Variants in ARB2A observed in about 807,000 individuals in gnomAD.
ARB2A encodes cotranscriptional regulator ARB2A.
chr5:93,869,107 T>A, the ARB2A span, among the ~76,000 whole-genome samples: 1 of 152,180 alleles, frequency 6.6e-6, no homozygotes, highest in African/African-American at 2.4e-5. Context: ...TCTGTTTATG[T>A]CTCTAGGCCT....
chr5:93,888,052 A>G, the ARB2A span, among the ~76,000 whole-genome samples: 2 of 151,816 alleles, frequency 1.3e-5, no homozygotes, highest in Non-Finnish European at 2.9e-5. Flanking sequence ...TCCAAGCACT[A>G]TTTATTTTAA....
the ARB2A span, among the ~76,000 whole-genome samples, chr5:93,694,123 C>T: frequency 7.2e-5 from 11 of 152,022 alleles, no homozygotes; most frequent in South Asian, 4.2e-4. Context: ...CTTTGAAAAC[C>T]GCCACAAGAC....
chr5:93,929,911 T>C, the ARB2A span, among the ~76,000 whole-genome samples: 5 of 152,204 alleles, frequency 3.3e-5, no homozygotes, highest in African/African-American at 1.2e-4. Context: ...AAACATCACA[T>C]TGTCAGAGAC....
chr5:93,753,575 T>C, the ARB2A span, among the ~76,000 whole-genome samples: 2 of 152,204 alleles, frequency 1.3e-5, no homozygotes, highest in South Asian at 2.1e-4. Context: ...CCCATCTAAA[T>C]AGAGGAACTT....
the ARB2A span, among the ~76,000 whole-genome samples, chr5:93,882,104 AT>A: frequency 2.0e-5 from 3 of 151,364 alleles, no homozygotes; most frequent in African/African-American, 7.2e-5. Flanking sequence ...TTCAAACTAC[AT>A]TTTTTTGTAT....
chr5:93,804,236 T>C, the ARB2A span, among the ~76,000 whole-genome samples: 3 of 151,976 alleles, frequency 2.0e-5, no homozygotes, highest in Non-Finnish European at 2.9e-5. Context: ...TCTCATAAAA[T>C]GCTTAAAGGC....
At chr5:93,971,809 G>C in the ARB2A span, among the ~76,000 whole-genome samples, 1 of 152,066 alleles carries the variant, frequency 6.6e-6, no homozygotes, top group Non-Finnish European at 1.5e-5. Context: ...ATGGGGGATA[G>C]TGCCCCACCA....
At chr5:93,969,459 G>A in the ARB2A span, among the ~76,000 whole-genome samples, 1 of 152,026 alleles carries the variant, frequency 6.6e-6, no homozygotes, top group Non-Finnish European at 1.5e-5. Context: ...ATCCACAATG[G>A]AAGTGACAGA....
At chr5:94,050,720 A>ATG in the ARB2A span, 1 of 1,577,778 alleles carries the variant, frequency 6.3e-7, no homozygotes, top group Non-Finnish European at 8.6e-7. Context: ...AAAGTAGTAT[A>ATG]TGTGACATAC....
the ARB2A span, among the ~76,000 whole-genome samples, chr5:94,104,477 A>G: frequency 6.6e-6 from 1 of 152,038 alleles, no homozygotes; most frequent in Non-Finnish European, 1.5e-5. Context: ...GAAACCCTGA[A>G]CAGACCAATA....
the ARB2A span, among the ~76,000 whole-genome samples, chr5:93,947,173 G>C: frequency 6.6e-6 from 1 of 152,132 alleles, no homozygotes; most frequent in South Asian, 2.1e-4. Context: ...ATTTATTCTA[G>C]GTTGTAAAGT....
chr5:94,067,239 G>C, the ARB2A span, among the ~76,000 whole-genome samples: 5 of 152,244 alleles, frequency 3.3e-5, no homozygotes, highest in African/African-American at 9.6e-5. Flanking sequence ...ACATCATAAT[G>C]AATGGAGAAA....
chr5:93,894,099 TA>T, the ARB2A span, among the ~76,000 whole-genome samples: 3 of 152,216 alleles, frequency 2.0e-5, no homozygotes, highest in Non-Finnish European at 2.9e-5. Flanking sequence ...CTCAATTAGC[TA>T]AATTATTTTT....
At chr5:93,883,918 T>TACAC in the ARB2A span, among the ~76,000 whole-genome samples, 5 of 68,322 alleles carry the variant, frequency 7.3e-5, no homozygotes, top group African/African-American at 2.1e-4. Context: ...CACATACACA[T>TACAC]ACACATACAC....
At chr5:93,789,625 T>C in the ARB2A span, among the ~76,000 whole-genome samples, 1 of 152,194 alleles carries the variant, frequency 6.6e-6, no homozygotes, top group South Asian at 2.1e-4. Flanking sequence ...TGCCTGCATA[T>C]TCTCCATTTC....
the ARB2A span, among the ~76,000 whole-genome samples, chr5:93,857,546 G>C: frequency 6.6e-6 from 1 of 152,164 alleles, no homozygotes; most frequent in Non-Finnish European, 1.5e-5. Context: ...AGACTGCTGG[G>C]CTAGAAATCA....
At chr5:93,692,058 C>T in the ARB2A span, among the ~76,000 whole-genome samples, 1 of 152,188 alleles carries the variant, frequency 6.6e-6, no homozygotes, top group African/African-American at 2.4e-5. Flanking sequence ...CTGGTACCTA[C>T]CACTGCAAAA....
chr5:93,705,491 C>T, the ARB2A span, among the ~76,000 whole-genome samples: 5 of 152,000 alleles, frequency 3.3e-5, no homozygotes, highest in African/African-American at 1.2e-4. Context: ...GAACACCTCC[C>T]TAATTTATAA....
chr5:94,013,468 G>A, the ARB2A span, among the ~76,000 whole-genome samples: 1 of 152,054 alleles, frequency 6.6e-6, no homozygotes, highest in East Asian at 1.9e-4. Flanking sequence ...GAGACATCGT[G>A]CCCGGCCAGT....
Sources: allele counts gnomAD v4.1 joint callset (sites outside exome capture counted in the v4.1 genomes callset), GRCh38; gene constraint gnomAD v4.1.1; transcripts MANE v1.5; gene names NCBI Gene and HGNC (gene_info 2026-07-23, HGNC 2026-07-21).